The following METTL21A variants were observed in gnomAD, a reference collection of about 807,000 sequenced individuals.
The protein encoded by METTL21A is methyltransferase 21A, HSPA lysine.
In METTL21A, 22 loss-of-function variants were observed where a neutral mutation model predicts 20.9. The observed-to-expected ratio is 1.05, with a 90% CI of 0.75 to 1.50. The LOEUF (loss-of-function observed/expected upper bound fraction) is 1.50. METTL21A is among the 40% of genes most tolerant of loss of function. The pLI is 0.00. For synonymous variants in METTL21A, 93 were observed against 102.0 expected (o/e 0.91, Z 0.53); for missense variants, 271 against 266.8 (o/e 1.02, Z -0.11).
At chr2:207,601,659 A>G (rs1250081768) in intron 3 of METTL21A, 1 of 212,978 alleles carries the variant, frequency 4.7e-6, no homozygotes, top group Non-Finnish European at 9.5e-6. Flanking sequence ...GACTTTTTAA[A>G]GCAATTGTCC....
chr2:207,596,852 T>G, intron 3 of METTL21A: 2 of 1,555,270 alleles, frequency 1.3e-6, no homozygotes, highest in Non-Finnish European at 1.7e-6. Context: ...AAAAAAAAGG[T>G]AATCCAAAAT....
intron 3 of METTL21A, among the ~76,000 whole-genome samples, chr2:207,590,361 T>C (rs1326726765): frequency 6.6e-6 from 1 of 151,962 alleles, no homozygotes; most frequent in East Asian, 1.9e-4. Context: ...TCCTTTTTTT[T>C]TAAGTCTGGC....
At chr2:207,613,180 T>G in exon 4 of METTL21A, 2 of 1,614,102 alleles carry the variant, frequency 1.2e-6, no homozygotes, top group Non-Finnish European at 1.7e-6. Context: ...TCATAGCGAA[T>G]TCGGCATGCT....
At chr2:207,603,189 C>A in intron 3 of METTL21A, 1 of 213,714 alleles carries the variant, frequency 4.7e-6, no homozygotes, top group East Asian at 7.1e-5. Flanking sequence ...TCTTTTTGTG[C>A]TTTATGTGTA....
downstream of METTL21A, among the ~76,000 whole-genome samples, chr2:207,608,494 A>T (rs571147147): frequency 2.6e-5 from 4 of 152,148 alleles, no homozygotes; most frequent in African/African-American, 9.6e-5. Flanking sequence ...TCTGATTCTT[A>T]ATGTTTTATG....
intron 3 of METTL21A, among the ~76,000 whole-genome samples, chr2:207,619,059 G>A (rs529282698): frequency 2.0e-5 from 3 of 152,224 alleles, no homozygotes; most frequent in Non-Finnish European, 4.4e-5. Context: ...GGGTGACTGT[G>A]AGAATGAAAG....
chr2:207,621,876 C>T (rs746376776), exon 3 of METTL21A: 3 of 1,614,094 alleles, frequency 1.9e-6, no homozygotes, highest in South Asian at 2.2e-5. Context: ...GGCCCCTGAG[C>T]TCCACAGCTC....
exon 4 of METTL21A, chr2:207,612,911 CAT>C (rs2089159439): frequency 3.5e-6 from 3 of 869,556 alleles, no homozygotes; most frequent in Admixed American, 2.9e-5. Context: ...TAAAACTGCA[CAT>C]GTGCTTTCTC....
At chr2:207,616,618 G>C (rs1262645743) in intron 3 of METTL21A, among the ~76,000 whole-genome samples, 1 of 152,198 alleles carries the variant, frequency 6.6e-6, no homozygotes, top group Non-Finnish European at 1.5e-5. Context: ...GCCAAGGCGG[G>C]TGGATCACCT....
intron 3 of METTL21A, chr2:207,598,729 C>A (rs138437655): frequency 0.012 from 1,970 of 164,684 alleles, 25 homozygotes; most frequent in African/African-American, 0.03. Context: ...CGCCTGTAAT[C>A]CCAGCTACTC....
At chr2:207,602,807 G>C (rs1482844756) in intron 3 of METTL21A, 2 of 217,522 alleles carry the variant, frequency 9.2e-6, no homozygotes, top group Non-Finnish European at 1.8e-5. Context: ...ATTTATTAGG[G>C]GTGGCAAAGA....
chr2:207,588,135 A>ACTT (rs202225971), intron 3 of METTL21A, among the ~76,000 whole-genome samples: 10 of 9,564 alleles, frequency 1.0e-3, no homozygotes, highest in African/African-American at 1.2e-3. Flanking sequence ...TATCACACAG[A>ACTT]CTTCGTTTTC....
chr2:207,605,108 T>C (rs1236348974), downstream of METTL21A, among the ~76,000 whole-genome samples: 1 of 152,230 alleles, frequency 6.6e-6, no homozygotes, highest in Non-Finnish European at 1.5e-5. Context: ...TGCTGGGTCA[T>C]GTTGAAATCG....
At chr2:207,589,333 A>G (rs552605542) in intron 3 of METTL21A, among the ~76,000 whole-genome samples, 2 of 152,190 alleles carry the variant, frequency 1.3e-5, no homozygotes, top group African/African-American at 2.4e-5. Context: ...CATCTTCAAC[A>G]TAGTGTTATC....
At chr2:207,580,816 T>C, downstream of METTL21A, 1 of 222,878 alleles carries the variant, frequency 4.5e-6, no homozygotes, top group East Asian at 6.5e-5. Flanking sequence ...GCTGTGGCTC[T>C]CCTTCATGTG....
intron 3 of METTL21A, among the ~76,000 whole-genome samples, chr2:207,614,141 C>T (rs1191387343): frequency 6.6e-6 from 1 of 152,062 alleles, no homozygotes; most frequent in Non-Finnish European, 1.5e-5. Flanking sequence ...TGGCTCATGC[C>T]TGTAATCCCA....
At chr2:207,581,929 G>C (rs2083012046) in exon 4 of METTL21A, 1 of 702,772 alleles carries the variant, frequency 1.4e-6, no homozygotes, top group Non-Finnish European at 2.6e-6. Flanking sequence ...CCCTCAGTTT[G>C]CATTTGTCCA....
At chr2:207,581,534 C>T (rs1373702893), downstream of METTL21A, 1 of 221,820 alleles carries the variant, frequency 4.5e-6, no homozygotes, top group Non-Finnish European at 8.9e-6. Context: ...TCTAATTTCA[C>T]CATCTAAAAT....
chr2:207,601,612 T>C (rs1015441223), intron 3 of METTL21A: 18 of 208,436 alleles, frequency 8.6e-5, no homozygotes, highest in Non-Finnish European at 1.7e-4. Flanking sequence ...GTACATAGTA[T>C]GCCAAAATAT....
Sources: gnomAD v4.1 joint callset for allele counts (sites outside exome capture counted in the v4.1 genomes callset) on GRCh38, gnomAD v4.1.1 for gene constraint, MANE v1.5 for transcripts, NCBI Gene and HGNC (gene_info 2026-07-23, HGNC 2026-07-21) for gene names.